KDM5B: variants seen among roughly 807,000 people sequenced by gnomAD.
The protein encoded by KDM5B is lysine demethylase 5B.
In KDM5B, 144 loss-of-function variants were observed where a neutral mutation model predicts 193.4. The observed-to-expected ratio is 0.74, with a 90% confidence interval of 0.65 to 0.86. The LOEUF (loss-of-function observed/expected upper bound fraction) is 0.86, where lower values mean the gene tolerates loss of function less well. Ranked by LOEUF, KDM5B falls within the 40% of genes least tolerant of loss-of-function variation. The pLI is 0.00. For missense variants in KDM5B, 1,833 were observed against 1,886.9 expected (o/e 0.97, Z 0.53); for synonymous variants, 668 against 682.6 (o/e 0.98, Z 0.33).
chr1:202,741,397 T>A lies in KDM5B; in HGVS notation c.2915A>T (p.Asp972Val). ...CTTGAGGAGACTCTTGGCTTTGTCG[T>A]CCCAGTGCTCTGACACTGTGAGCAG... ...QELLTVSEHW[D>V]DKAKSLLKAR... The change falls in exon 19 of 27, where the codon GAC becomes GTC. Residue 972 changes from aspartate (D) to valine (V), a missense_variant. By Grantham distance (152) the Asp-to-Val change is radical. Around this residue, in one of 3 missense-constraint regions of KDM5B, gnomAD observed 1,379 missense variants for 1,349.6 expected, o/e 1.02. Transcript: ENST00000367265. 6.4e-7 allele frequency: 1 copy of A among 1,566,414 alleles called. No homozygotes were observed. Among genetic ancestry groups the A allele is most frequent in the Non-Finnish European group, 8.6e-7 (1 of 1,157,104 alleles).
chr1:202,794,712 A>AG (rs1229314912), intron 1 of KDM5B, among the ~76,000 whole-genome samples: 1 of 152,264 alleles, frequency 6.6e-6, no homozygotes, highest in East Asian at 1.9e-4. Context: ...AAGTCACAAT[A>AG]GAAATGTAGC....
At position 202,750,707 on chromosome 1, in the gene KDM5B, G is replaced by A. The variant is rs1208369139; in HGVS notation, c.1773C>T (p.Asn591=). 1.2e-6 allele frequency: 2 copies of A among 1,613,776 alleles called. No individual in the cohort carries two copies. Among genetic ancestry groups the A allele is most frequent in the Admixed American group, 1.7e-5 (1 of 59,994 alleles). ...TFPRAYHSGF[N]QGFNFAEAVN... is the part of the protein sequence containing the mutation. ...CAGCCTCAGCAAAATTAAAACCCTGGTTAAAACCACTGTGGTAGGCTCTTG... is the reference window on the plus strand; with the variant it reads ...CAGCCTCAGCAAAATTAAAACCCTGATTAAAACCACTGTGGTAGGCTCTTG... The change falls in exon 13 of 27, where the codon AAC becomes AAT. Residue 591 remains asparagine, a synonymous_variant. Coordinates refer to ENST00000367265, the MANE Select transcript of KDM5B (RefSeq NM_006618.5).
At chr1:202,763,669 G>C (rs931390592) in intron 6 of KDM5B, among the ~76,000 whole-genome samples, 2 of 152,226 alleles carry the variant, frequency 1.3e-5, no homozygotes, top group African/African-American at 4.8e-5. Flanking sequence ...TAGGAAGCAT[G>C]TCTGTTTGCC....
chr1:202,769,202 A>AT (rs1258540689), intron 4 of KDM5B, among the ~76,000 whole-genome samples: 1 of 148,816 alleles, frequency 6.7e-6, no homozygotes, highest in Non-Finnish European at 1.5e-5. Flanking sequence ...ACACCCAGCT[A>AT]TTTTTTTGTA....
At chr1:202,800,526 G>A (rs1406808791) in intron 1 of KDM5B, among the ~76,000 whole-genome samples, 1 of 152,002 alleles carries the variant, frequency 6.6e-6, no homozygotes, top group Non-Finnish European at 1.5e-5. Context: ...CTTTTGTAGA[G>A]ATAGGGTCTC....
At chr1:202,787,845 A>C (rs1657475628) in intron 1 of KDM5B, among the ~76,000 whole-genome samples, 1 of 151,830 alleles carries the variant, frequency 6.6e-6, no homozygotes, top group Non-Finnish European at 1.5e-5. Flanking sequence ...AGCCAAGATC[A>C]CACCACCATT....
chr1:202,736,645 T>C lies in KDM5B; in HGVS notation c.3085-253A>G, dbSNP rs140336624. On this transcript the variant is annotated intron_variant, in intron 20 of 26. Transcript: ENST00000367265. ...TTGGTGGTGGTGGTGGTAGTGTTGTTTTTTTTTTCTTTTTTTAAGACGGAG... is the reference window on the plus strand; with the variant it reads ...TTGGTGGTGGTGGTGGTAGTGTTGTCTTTTTTTTCTTTTTTTAAGACGGAG... Among the ~76,000 whole-genome samples, 25 of 151,126 alleles carry C rather than the reference T, an allele frequency of 1.7e-4. No homozygotes were observed. In the East Asian group the frequency reaches 4.5e-3, roughly 27 times the overall value.
At chr1:202,750,562 A>T in intron 13 of KDM5B, 97 bp downstream of exon 13, 1 of 1,336,300 alleles carries the variant, frequency 7.5e-7, no homozygotes, top group Non-Finnish European at 1.0e-6. Context: ...GGCATGAGCT[A>T]CCGCACCCAG....
intron 1 of KDM5B, among the ~76,000 whole-genome samples, chr1:202,801,692 C>T (rs1658082291): frequency 6.6e-6 from 1 of 152,104 alleles, no homozygotes; most frequent in African/African-American, 2.4e-5. Context: ...AAGGACACAG[C>T]AGTTAATAAA....
intron 3 of KDM5B, among the ~76,000 whole-genome samples, chr1:202,774,047 AT>A (rs368098252): frequency 2.3e-3 from 356 of 152,092 alleles, no homozygotes; most frequent in African/African-American, 8.1e-3. Flanking sequence ...ATGGCTCAGC[AT>A]TTTTTTACCT....
rs33951184 is a variant in KDM5B, at chr1:202,734,352, TAAA to T, written c.3424-469_3424-467del. Among the ~76,000 whole-genome samples the T allele has an allele frequency of 2.1e-4, 29 of 135,346 alleles. No individual in the cohort carries two copies. The East Asian group carries it at 2.2e-3, about 10-fold the overall frequency. 88.8% of individuals were successfully genotyped at this position (135,346 alleles called of 152,430 possible). ...ATCAGGTAAAGACCTTTGGGTATAT[TAAA>T]AAAAAAAAAAAATCCACTTCTTTTG... is the stretch of plus-strand genomic sequence containing the variant. On this transcript the variant is annotated intron_variant, in intron 22 of 26. Transcript: ENST00000367265.
chr1:202,745,714 G>A (rs904517125), intron 16 of KDM5B, 144 bp downstream of exon 16: 10 of 842,166 alleles, frequency 1.2e-5, no homozygotes, highest in Admixed American at 2.0e-5. Context: ...CTTCTCTGCC[G>A]GTGCTCTGTA....
At chr1:202,773,094 G>A (rs374981703) in intron 4 of KDM5B, 24 bp downstream of exon 4, 8 of 1,543,046 alleles carry the variant, frequency 5.2e-6, no homozygotes, top group Non-Finnish European at 7.1e-6. Flanking sequence ...GATAAAACAG[G>A]TTAAGGCTAG....
intron 1 of KDM5B, among the ~76,000 whole-genome samples, chr1:202,787,266 C>T (rs1441701785): frequency 6.6e-6 from 1 of 152,128 alleles, no homozygotes; most frequent in East Asian, 1.9e-4. Context: ...AACCTTTGGC[C>T]TCCCAAAGTG....
At chr1:202,805,878 G>C (rs1303710730) in intron 1 of KDM5B, among the ~76,000 whole-genome samples, 1 of 152,188 alleles carries the variant, frequency 6.6e-6, no homozygotes, top group Non-Finnish European at 1.5e-5. Context: ...TGGCAAAGGA[G>C]TTTGTTAAAC....
chr1:202,762,812 T>A lies in KDM5B; in HGVS notation c.809-4A>T, dbSNP rs1304488945. On this transcript the variant is annotated splice_polypyrimidine_tract_variant and splice_region_variant and intron_variant, in intron 6 of 26. Coordinates refer to ENST00000367265, the MANE Select transcript of KDM5B (RefSeq NM_006618.5). ...ATGCTACTCTTCATTTCTTTCTCTG[T>A]AGGAGGCAATCCAAAATTAGCTCTT... 6.6e-7 allele frequency: 1 copy of A among 1,526,090 alleles called. No homozygotes were observed. Among genetic ancestry groups the A allele is most frequent in the Non-Finnish European group, 9.1e-7 (1 of 1,100,550 alleles). 94.5% of individuals were successfully genotyped at this position (1,526,090 alleles called of 1,614,324 possible).
Position 202,731,874 on chromosome 1 carries a change from A to G in KDM5B, c.3975T>C (p.Tyr1325=). ...GTCCAGTTGAGAAGGGGGAGTGCAA[A>G]TATGAGGTTCTGTTGTCCCAGTCAT... ...LPDDWDNRTS[Y]LHSPFSTGRS... is the part of the protein sequence containing the mutation. Residue 1325 remains tyrosine (Y), a synonymous_variant, in exon 24 of 27, where the codon TAT becomes TAC. Coordinates refer to ENST00000367265, the MANE Select transcript of KDM5B (RefSeq NM_006618.5). 1.2e-6 allele frequency: 2 copies of G among 1,613,770 alleles called. No homozygotes were observed. The highest frequency in any genetic ancestry group is 1.7e-6 in the Non-Finnish European group (2 of 1,179,820).
chr1:202,731,146 G>A (rs1302954708), intron 24 of KDM5B, 83 bp from the exon 25 acceptor site: 1 of 1,129,088 alleles, frequency 8.9e-7, no homozygotes, highest in Non-Finnish European at 1.3e-6. Context: ...CAAATAGAAG[G>A]ACTGCCCCTA....
In KDM5B at chr1:202,729,710, A is replaced by T. The variant is rs200575696; in HGVS notation, c.4494T>A (p.Asp1498Glu). ...PAVSCLQPEG[D>E]EVDWVQCDGS... ...CTATGGCCCAAACCTCACTGACCTC[A>T]TCTCCTTCTGGCTGCAGGCAGCTCA... Residue 1498 changes from aspartate to glutamate, a missense_variant, in exon 26 of 27, where the codon GAT becomes GAA. By Grantham distance (45) the Asp-to-Glu change is conservative. Around this residue, in one of 3 missense-constraint regions of KDM5B, gnomAD observed 1,379 missense variants for 1,349.6 expected, o/e 1.02. Coordinates refer to ENST00000367265, the MANE Select transcript of KDM5B (RefSeq NM_006618.5). 352 of 1,612,482 alleles carry T rather than the reference A, an allele frequency of 2.2e-4. 1 individual carries two copies. In the Middle Eastern group the frequency reaches 4.5e-3, roughly 20 times the overall value.
Sources: gnomAD v4.1 joint callset for allele counts (sites outside exome capture counted in the v4.1 genomes callset) on GRCh38, gnomAD v4.1.1 for gene constraint, gnomAD v4.1.1 regional missense constraint, MANE v1.5 for transcripts, NCBI Gene and HGNC (gene_info 2026-07-23, HGNC 2026-07-21) for gene names.